JARID2: variants seen among roughly 807,000 people sequenced by gnomAD.
JARID2 encodes the protein protein Jumonji.
A neutral mutation model predicts 125.6 loss-of-function variants in JARID2; 21 were observed. The observed-to-expected ratio is 0.17, with a 90% CI of 0.12 to 0.24. JARID2 has a LOEUF of 0.24. JARID2 is among the 10% of genes least tolerant of loss of function. The pLI is 1.00. For missense variants in JARID2, 1,303 were observed against 1,639.6 expected (o/e 0.79, Z 3.55); for synonymous variants, 736 against 661.6 (o/e 1.11, Z -1.73).
chr6:15,508,961 C>T (rs1343447608), intron 12 of JARID2: 2 of 1,289,036 alleles, frequency 1.6e-6, no homozygotes, highest in Admixed American at 2.3e-5. Context: ...TGGTTATTTT[C>T]AGCCTCTCTG....
intron 5 of JARID2, among the ~76,000 whole-genome samples, chr6:15,484,698 A>G (rs1489222428): frequency 2.6e-5 from 4 of 152,206 alleles, no homozygotes; most frequent in African/African-American, 9.7e-5. Flanking sequence ...AGCTGCAGAT[A>G]ATGTTTTGAA....
At chr6:15,453,177 C>T (rs148626223) in intron 4 of JARID2, among the ~76,000 whole-genome samples, 343 of 152,322 alleles carry the variant, frequency 2.3e-3, no homozygotes, top group Non-Finnish European at 3.8e-3. Flanking sequence ...CCTCAAACCT[C>T]TGTTTCACAT....
chr6:15,502,129 A>G (rs923639434), intron 8 of JARID2, among the ~76,000 whole-genome samples: 1 of 152,248 alleles, frequency 6.6e-6, no homozygotes, highest in African/African-American at 2.4e-5. Context: ...TGAAACATGC[A>G]GCGTTTCCCT....
At chr6:15,480,671 TC>T (rs1769568614) in intron 5 of JARID2, among the ~76,000 whole-genome samples, 1 of 152,212 alleles carries the variant, frequency 6.6e-6, no homozygotes, top group African/African-American at 2.4e-5. Context: ...TTTGCGCAAC[TC>T]CTTTCTCTGA....
At chr6:15,346,138 G>A (rs1763238028) in intron 1 of JARID2, among the ~76,000 whole-genome samples, 1 of 152,192 alleles carries the variant, frequency 6.6e-6, no homozygotes, top group Admixed American at 6.5e-5. Context: ...GCGCATTAAA[G>A]CATCTATTTG....
At chr6:15,518,060 G>C (rs73369530) in intron 17 of JARID2, among the ~76,000 whole-genome samples, 4,233 of 152,358 alleles carry the variant, frequency 0.028, 197 homozygotes, top group African/African-American at 0.096. Flanking sequence ...GCTGGAAGAA[G>C]AACTCTTTGC....
At chr6:15,369,483 A>G (rs539747615) in intron 1 of JARID2, among the ~76,000 whole-genome samples, 13 of 152,304 alleles carry the variant, frequency 8.5e-5, no homozygotes, top group African/African-American at 3.1e-4. Flanking sequence ...CCAGTAAACC[A>G]GAATGCATGG....
intron 1 of JARID2, among the ~76,000 whole-genome samples, chr6:15,276,347 A>T (rs1760499964): frequency 6.6e-6 from 1 of 152,228 alleles, no homozygotes; most frequent in Admixed American, 6.5e-5. Context: ...GGGAGACATG[A>T]TGCTTGCCTA....
At chr6:15,283,593 G>T (rs4715972) in intron 1 of JARID2, among the ~76,000 whole-genome samples, 57,646 of 146,708 alleles carry the variant, frequency 0.39, 11,430 homozygotes, top group East Asian at 0.6. Flanking sequence ...CCGCCCGCCT[G>T]GGCCTCCCAA....
intron 3 of JARID2, among the ~76,000 whole-genome samples, chr6:15,418,998 C>A (rs1256734109): frequency 6.6e-6 from 1 of 152,132 alleles, no homozygotes; most frequent in Non-Finnish European, 1.5e-5. Context: ...TGATAGCATG[C>A]ATGAATTGGG....
chr6:15,293,302 C>T (rs1217696843), intron 1 of JARID2, among the ~76,000 whole-genome samples: 1 of 152,164 alleles, frequency 6.6e-6, no homozygotes, highest in Non-Finnish European at 1.5e-5. Context: ...GTAATCCCAG[C>T]TATTGGGGAG....
chr6:15,327,879 C>T (rs1335418016), intron 1 of JARID2, among the ~76,000 whole-genome samples: 1 of 152,122 alleles, frequency 6.6e-6, no homozygotes, highest in African/African-American at 2.4e-5. Context: ...TTTTTCATCC[C>T]CCACTTAGAT....
chr6:15,249,009 C>T lies in JARID2; in HGVS notation c.45+2425C>T, dbSNP rs79327808. 474 of 956,090 alleles carry T rather than the reference C, an allele frequency of 5.0e-4. 8 individuals carry two copies. The East Asian group carries it at 0.042, about 84-fold the overall frequency. 59.2% of individuals were successfully genotyped at this position (956,090 alleles called of 1,614,324 possible). A position where few individuals can be genotyped will look rare whatever the true frequency, so the allele number is the denominator to read the frequency against. On this transcript the variant is annotated intron_variant, in intron 1 of 17. Coordinates refer to ENST00000341776, the MANE Select transcript of JARID2 (RefSeq NM_004973.4). Reference sequence around the variant, plus strand: ...AGGTCCCCAAAGGAGTGCCACTGGACCCTGTTCTGATGCCACTTGGGAAGC... The same window carrying T: ...AGGTCCCCAAAGGAGTGCCACTGGATCCTGTTCTGATGCCACTTGGGAAGC...
intron 3 of JARID2, among the ~76,000 whole-genome samples, chr6:15,435,178 TC>T (rs1767148873): frequency 6.6e-6 from 1 of 152,174 alleles, no homozygotes; most frequent in Admixed American, 6.5e-5. Context: ...GTGCTTTATT[TC>T]CCCTGAATGT....
Position 15,476,360 on chromosome 6 carries a change from G to T in JARID2, c.670+7642G>T, listed in dbSNP as rs76018006. On this transcript the variant is annotated intron_variant, in intron 5 of 17. Transcript: ENST00000341776. ...ATGGAGCCGGGACCTCTGGCCTCAT[G>T]GCAGAGGTGGCAGGAGAGGACACAC... 7.2e-3 allele frequency among the ~76,000 whole-genome samples: 1,101 copies of T among 152,286 alleles called. 13 individuals carry two copies. The highest frequency in any genetic ancestry group is 0.025 in the African/African-American group (1,047 of 41,546).
At chr6:15,418,945 C>T (rs970129732) in intron 3 of JARID2, among the ~76,000 whole-genome samples, 1 of 152,012 alleles carries the variant, frequency 6.6e-6, no homozygotes, top group Non-Finnish European at 1.5e-5. Flanking sequence ...TTATTTACTT[C>T]GAGTTTGAAA....
At chr6:15,351,426 A>C (rs1763424422) in intron 1 of JARID2, among the ~76,000 whole-genome samples, 1 of 152,172 alleles carries the variant, frequency 6.6e-6, no homozygotes, top group Non-Finnish European at 1.5e-5. Flanking sequence ...TGGGGTCCTC[A>C]TGGAAAGACA....
At chr6:15,494,906 G>A (rs1293618669) in intron 6 of JARID2, among the ~76,000 whole-genome samples, 1 of 152,186 alleles carries the variant, frequency 6.6e-6, no homozygotes, top group Admixed American at 6.5e-5. Context: ...GGAAGTGCAG[G>A]CTCCCCCGAC....
intron 5 of JARID2, among the ~76,000 whole-genome samples, chr6:15,469,663 G>A (rs1036081516): frequency 4.0e-5 from 6 of 151,584 alleles, no homozygotes; most frequent in African/African-American, 1.5e-4. Context: ...GTTGTGCCCT[G>A]AAAACATGAA....
Sources: gnomAD v4.1 joint callset for allele counts (sites outside exome capture counted in the v4.1 genomes callset) on GRCh38, gnomAD v4.1.1 for gene constraint, MANE v1.5 for transcripts, NCBI Gene and HGNC (gene_info 2026-07-23, HGNC 2026-07-21) for gene names.